The following DENND6A variants were observed in gnomAD, a reference collection of about 807,000 sequenced individuals.
DENND6A encodes DENN domain containing 6A.
In DENND6A, 43 loss-of-function variants were observed where a neutral mutation model predicts 95.5. That is an observed-to-expected ratio of 0.45 (90% CI 0.35 to 0.58). The LOEUF (loss-of-function observed/expected upper bound fraction) is 0.58, where lower values mean the gene tolerates loss of function less well. DENND6A is among the 20% of genes least tolerant of loss of function. The pLI is 0.00. For missense variants in DENND6A, 574 were observed against 736.0 expected, an observed-to-expected ratio of 0.78 and a Z score of 2.55; for synonymous variants, 257 against 260.4, an observed-to-expected ratio of 0.99 and a Z score of 0.13.
chr3:57,674,923 A>G (rs1307849178), intron 1 of DENND6A, among the ~76,000 whole-genome samples: 2 of 152,204 alleles, frequency 1.3e-5, no homozygotes, highest in Non-Finnish European at 1.5e-5. Context: ...GAGCTAAATA[A>G]TGAGACCTTA....
intron 12 of DENND6A, among the ~76,000 whole-genome samples, chr3:57,636,346 C>T (rs1325589170): frequency 1.3e-5 from 2 of 152,160 alleles, no homozygotes; most frequent in East Asian, 1.9e-4. Context: ...TAAACAGATA[C>T]TTGTTAAAAA....
chr3:57,635,717 A>C (rs945065541), intron 12 of DENND6A, among the ~76,000 whole-genome samples: 1 of 152,240 alleles, frequency 6.6e-6, no homozygotes, highest in Non-Finnish European at 1.5e-5. Context: ...ATATTGCTAA[A>C]AAATTTTAAG....
At chr3:57,636,418 A>T (rs1247449051) in intron 12 of DENND6A, among the ~76,000 whole-genome samples, 1 of 152,220 alleles carries the variant, frequency 6.6e-6, no homozygotes. Context: ...AAGTAAATGC[A>T]AGATACTGGC....
At chr3:57,662,026 A>G (rs1395367756) in intron 5 of DENND6A, among the ~76,000 whole-genome samples, 1 of 145,894 alleles carries the variant, frequency 6.9e-6, no homozygotes, top group Non-Finnish European at 1.5e-5. Flanking sequence ...CCCAATTTTT[A>G]AACATTTTTT....
chr3:57,666,429 G>A (rs922170137), intron 3 of DENND6A, among the ~76,000 whole-genome samples, 194 bp from the exon 4 acceptor site: 2 of 152,182 alleles, frequency 1.3e-5, no homozygotes, highest in Admixed American at 6.5e-5. Context: ...GGCAAAGCCA[G>A]AAGTAAAACA....
intron 4 of DENND6A, 189 bp downstream of exon 4, chr3:57,665,934 G>A (rs1362702846): frequency 4.1e-6 from 2 of 492,432 alleles, no homozygotes; most frequent in Non-Finnish European, 7.4e-6. Context: ...TTCAAACATA[G>A]TAACTGTATA....
At chr3:57,638,677 A>C (rs62258967) in intron 12 of DENND6A, among the ~76,000 whole-genome samples, 24,658 of 152,036 alleles carry the variant, frequency 0.16, 2,678 homozygotes, top group East Asian at 0.48. Context: ...AAATAACTAA[A>C]TAAATAAATA....
At chr3:57,666,432 G>A (rs1293397876) in intron 3 of DENND6A, among the ~76,000 whole-genome samples, 197 bp from the exon 4 acceptor site, 1 of 152,188 alleles carries the variant, frequency 6.6e-6, no homozygotes, top group African/African-American at 2.4e-5. Flanking sequence ...AAAGCCAGAA[G>A]TAAAACATGC....
In DENND6A at chr3:57,685,275, C is replaced by T. The variant is rs115982242; in HGVS notation, c.237+7507G>A. Reference sequence around the variant, plus strand: ...CTATCAACATTCACCACTGTAGAAACTAAAAGTATCATTAAAAAAAATTGT... The same window carrying T: ...CTATCAACATTCACCACTGTAGAAATTAAAAGTATCATTAAAAAAAATTGT... On this transcript the variant is annotated intron_variant, in intron 1 of 19. Transcript: ENST00000311128. Among the ~76,000 whole-genome samples the T allele has an allele frequency of 6.9e-3, 1,054 of 151,972 alleles. 7 individuals are homozygous for T. The highest frequency in any genetic ancestry group is 0.011 in the Non-Finnish European group (745 of 67,978).
intron 1 of DENND6A, among the ~76,000 whole-genome samples, chr3:57,690,594 G>T (rs2077254511): frequency 6.6e-6 from 1 of 151,550 alleles, no homozygotes; most frequent in South Asian, 2.1e-4. Context: ...TGAGGCAGGA[G>T]AATCACTTGA....
At position 57,663,151 on chromosome 3, in the gene DENND6A, CAAAAAAA is replaced by C. The variant is rs754194795; in HGVS notation, c.513+478_513+484del. ...GGGCGACAAGAGCAAAACTCCATAT[CAAAAAAA>C]AAAAAAAAAAAAAAAATCTATATAT... On this transcript the variant is annotated intron_variant, in intron 5 of 19. Transcript: ENST00000311128. Among the ~76,000 whole-genome samples the C allele has an allele frequency of 1.9e-3, 76 of 40,128 alleles. 1 individual carries two copies. The highest frequency in any genetic ancestry group is 6.1e-3 in the African/African-American group (70 of 11,418). 26.3% of individuals were successfully genotyped at this position (40,128 alleles called of 152,430 possible). A position where few individuals can be genotyped will look rare whatever the true frequency, so the allele number is the denominator to read the frequency against.
chr3:57,630,434 G>A lies in DENND6A; in HGVS notation c.1607C>T (p.Ala536Val), dbSNP rs1300356554. ...TQKLEALHLE[A>V]LCEEDLLLWI... Reference sequence around the variant, plus strand: ...CAGTTTTCGAACCTCTTCACAAAGAGCTTCTAGATGGAGTGCCTCCAATTT... The same window carrying A: ...CAGTTTTCGAACCTCTTCACAAAGAACTTCTAGATGGAGTGCCTCCAATTT... The change falls in exon 18 of 20, where the codon GCT becomes GTT. Residue 536 changes from alanine to valine, a missense_variant. Ala to Val is a moderately conservative substitution (Grantham distance 64). Coordinates refer to ENST00000311128, the MANE Select transcript of DENND6A (RefSeq NM_152678.3). The A allele has an allele frequency of 2.5e-6, 4 of 1,586,566 alleles. No individual in the cohort carries two copies. In the African/African-American group the frequency reaches 5.5e-5, roughly 22 times the overall value.
chr3:57,689,790 T>C (rs535560583), intron 1 of DENND6A, among the ~76,000 whole-genome samples: 15 of 152,258 alleles, frequency 9.9e-5, no homozygotes, highest in Non-Finnish European at 2.1e-4. Context: ...GGGCTGGGCA[T>C]GGTGGCTCAA....
chr3:57,660,709 AAAAAAT>A (rs771694345), intron 7 of DENND6A, 45 bp downstream of exon 7: 38 of 1,522,914 alleles, frequency 2.5e-5, no homozygotes, highest in African/African-American at 8.5e-5. Flanking sequence ...CCCTGTCTCA[AAAAAAT>A]AAAAATAAAA....
At chr3:57,641,210 GTAA>G (rs927127962) in intron 12 of DENND6A, among the ~76,000 whole-genome samples, 3 of 139,556 alleles carry the variant, frequency 2.1e-5, no homozygotes, top group African/African-American at 7.9e-5. Flanking sequence ...AAATATTTAA[GTAA>G]TAAAAATATA....
chr3:57,659,082 T>C (rs2153415380), intron 8 of DENND6A, 36 bp downstream of exon 8: 1 of 1,604,068 alleles, frequency 6.2e-7, no homozygotes, highest in East Asian at 2.2e-5. Flanking sequence ...AGAGACTATA[T>C]ATGTGCTGGA....
At chr3:57,684,850 T>G (rs1003313240) in intron 1 of DENND6A, among the ~76,000 whole-genome samples, 3 of 152,048 alleles carry the variant, frequency 2.0e-5, no homozygotes, top group Admixed American at 1.3e-4. Flanking sequence ...ATGCCTGGGA[T>G]CTCAACACTT....
At chr3:57,654,128 T>G (rs943323249) in intron 9 of DENND6A, among the ~76,000 whole-genome samples, 6 of 150,458 alleles carry the variant, frequency 4.0e-5, no homozygotes, top group African/African-American at 1.5e-4. Context: ...TTTTTTTTTT[T>G]GTATTTTTAG....
intron 7 of DENND6A, 45 bp from the exon 8 acceptor site, chr3:57,659,225 G>A (rs986566833): frequency 6.3e-7 from 1 of 1,596,876 alleles, no homozygotes; most frequent in Non-Finnish European, 8.6e-7. Context: ...AAAGAATGGA[G>A]GATGAGAAGT....
Sources: allele counts gnomAD v4.1 joint callset (sites outside exome capture counted in the v4.1 genomes callset), GRCh38; gene constraint gnomAD v4.1.1; transcripts MANE v1.5; gene names NCBI Gene and HGNC (gene_info 2026-07-23, HGNC 2026-07-21).